Variants in AATF observed in about 807,000 individuals in gnomAD.
The protein encoded by AATF is apoptosis antagonizing transcription factor.
Under a neutral mutation model 63.7 loss-of-function variants are expected in AATF, and 48 were observed. The ratio of observed to expected loss-of-function variants is 0.75; its 90% CI spans 0.60 to 0.96. AATF has a LOEUF of 0.96. Ranked by LOEUF, AATF falls within the 40% of genes least tolerant of loss-of-function variation. The probability of loss-of-function intolerance (pLI) is 0.00; values close to 1 mark genes in which losing one functional copy is unlikely to be tolerated. For missense variants in AATF, 639 were observed against 685.7 expected (o/e 0.93, Z 0.76); for synonymous variants, 258 against 247.7 (o/e 1.04, Z -0.39).
rs1282125229 is a variant in AATF, at chr17:36,964,621, C to G, written c.832+10714C>G. Among the ~76,000 whole-genome samples the G allele has an allele frequency of 2.6e-5, 4 of 152,244 alleles. No individual in the cohort carries two copies. In the South Asian group the frequency reaches 8.3e-4, roughly 32 times the overall value. On this transcript the variant is annotated intron_variant, in intron 4 of 11. Coordinates refer to ENST00000619387, the MANE Select transcript of AATF (RefSeq NM_012138.4). Reference sequence around the variant, plus strand: ...AATTGTGTTTTCTTCCCTGTTTTTTCAGTCATGGCTCCTAGGCCACTCAAA... The same window carrying G: ...AATTGTGTTTTCTTCCCTGTTTTTTGAGTCATGGCTCCTAGGCCACTCAAA...
rs2070877100 is a variant in AATF at position 36,953,833 on chromosome 17, A to G, written c.758A>G (p.Gln253Arg). 1 of 1,614,074 alleles carries G rather than the reference A, an allele frequency of 6.2e-7. No individual in the cohort carries two copies. Among genetic ancestry groups the G allele is most frequent in the Admixed American group, 1.7e-5 (1 of 59,996 alleles). ...KLQKALLTTN[Q>R]LPQPDVFPLF... ...CAAAAAGCTCTGTTGACCACCAACC[A>G]GCTTCCTCAACCAGATGTTTTCCCA... Residue 253 changes from glutamine to arginine, a missense_variant, in exon 4 of 12, where the codon CAG becomes CGG. Transcript: ENST00000619387.
rs865988806 is a variant in AATF, at chr17:37,051,693, G to C, written c.1620-4908G>C. On this transcript the variant is annotated intron_variant, in intron 11 of 11. Coordinates refer to ENST00000619387, the MANE Select transcript of AATF (RefSeq NM_012138.4). ...GAATCCTAAGACAGACAGACAGACA[G>C]ACAGACACACACACACACACACACA... 6.4e-3 allele frequency among the ~76,000 whole-genome samples: 896 copies of C among 141,014 alleles called. 9 individuals are homozygous for C. Among genetic ancestry groups the C allele is most frequent in the African/African-American group, 0.022 (802 of 36,492 alleles). 92.5% of individuals were successfully genotyped at this position (141,014 alleles called of 152,430 possible). A position where few individuals can be genotyped will look rare whatever the true frequency, so the allele number is the denominator to read the frequency against.
chr17:37,032,246 T>C (rs1389837126), intron 11 of AATF, among the ~76,000 whole-genome samples: 1 of 152,244 alleles, frequency 6.6e-6, no homozygotes, highest in African/African-American at 2.4e-5. Context: ...AGCTTCCTCT[T>C]CTCCCTCATT....
At chr17:36,950,520 A>G in intron 2 of AATF, 115 bp downstream of exon 2, 35 of 1,120,588 alleles carry the variant, frequency 3.1e-5, no homozygotes, top group Non-Finnish European at 4.1e-5. Context: ...TTTTTTTGAG[A>G]CAGAGTTTGG....
chr17:36,949,163 A>G lies in AATF; in HGVS notation c.38A>G (p.Gln13Arg), dbSNP rs2070831723. 3 of 1,592,002 alleles carry G rather than the reference A, an allele frequency of 1.9e-6. No homozygotes were observed. Among genetic ancestry groups the G allele is most frequent in the Non-Finnish European group, 2.6e-6 (3 of 1,171,042 alleles). The change falls in exon 1 of 12, where the codon CAG (glutamine) becomes CGG (arginine). Residue 13 changes from glutamine to arginine, a missense_variant. Transcript: ENST00000619387. ...GPQPLALQLE[Q>R]LLNPRPSEAD... Reference sequence around the variant, plus strand: ...CAGCCCCTGGCGCTGCAACTGGAACAGTTGTTGAACCCGCGACCAAGCGAG... The same window carrying G: ...CAGCCCCTGGCGCTGCAACTGGAACGGTTGTTGAACCCGCGACCAAGCGAG...
At chr17:37,016,278 A>G (rs1411437947) in intron 8 of AATF, among the ~76,000 whole-genome samples, 1 of 152,228 alleles carries the variant, frequency 6.6e-6, no homozygotes, top group Non-Finnish European at 1.5e-5. Flanking sequence ...AATGTGTTCA[A>G]TCTGCCATTT....
chr17:37,037,802 G>A (rs2071605205), intron 11 of AATF, among the ~76,000 whole-genome samples: 1 of 152,178 alleles, frequency 6.6e-6, no homozygotes, highest in African/African-American at 2.4e-5. Flanking sequence ...ATTGGATCAT[G>A]GGGGTGGATT....
chr17:36,963,131 A>G (rs1242746223), intron 4 of AATF, among the ~76,000 whole-genome samples: 1 of 152,104 alleles, frequency 6.6e-6, no homozygotes, highest in African/African-American at 2.4e-5. Context: ...AAACAAAACA[A>G]AACAAAAACC....
At chr17:37,036,399 G>T (rs1457453305) in intron 11 of AATF, among the ~76,000 whole-genome samples, 2 of 152,132 alleles carry the variant, frequency 1.3e-5, no homozygotes, top group Admixed American at 1.3e-4. Context: ...CTCATTAAGG[G>T]AGAGAGAGAG....
intron 4 of AATF, among the ~76,000 whole-genome samples, chr17:36,966,717 T>C (rs2070994546): frequency 6.6e-6 from 1 of 152,230 alleles, no homozygotes; most frequent in African/African-American, 2.4e-5. Flanking sequence ...CTGGAATTGT[T>C]CCTGTCTCAA....
intron 11 of AATF, among the ~76,000 whole-genome samples, chr17:37,035,661 C>G (rs992555438): frequency 1.3e-4 from 16 of 122,956 alleles, no homozygotes; most frequent in African/African-American, 6.5e-4. Context: ...CCTCAGCCTC[C>G]CATTGGTCAG....
chr17:37,054,014 C>T (rs1040560442), intron 11 of AATF, among the ~76,000 whole-genome samples: 3 of 152,090 alleles, frequency 2.0e-5, no homozygotes, highest in African/African-American at 4.8e-5. Context: ...CTGTGAAAAA[C>T]GTTATAAAAA....
intron 11 of AATF, among the ~76,000 whole-genome samples, chr17:37,032,826 AAT>A (rs1407201973): frequency 6.6e-6 from 1 of 152,158 alleles, no homozygotes; most frequent in Non-Finnish European, 1.5e-5. Context: ...ATATTGTTAT[AAT>A]ATTTATTTAG....
chr17:37,014,467 A>G (rs1292534186), intron 8 of AATF, among the ~76,000 whole-genome samples: 1 of 152,148 alleles, frequency 6.6e-6, no homozygotes, highest in Non-Finnish European at 1.5e-5. Context: ...AAACTGGGAC[A>G]GGTAAAGTGC....
Position 36,959,652 on chromosome 17 carries a change from T to A in AATF, c.832+5745T>A, listed in dbSNP as rs574942408. Among the ~76,000 whole-genome samples, 3 of 152,364 alleles carry A rather than the reference T, an allele frequency of 2.0e-5. No homozygotes were observed. In the South Asian group the frequency reaches 6.2e-4, roughly 32 times the overall value. On this transcript the variant is annotated intron_variant, in intron 4 of 11. Transcript: ENST00000619387. The stretch of plus-strand genomic sequence containing the variant: ...AAGGAAAGCTAAACTTCAGTCATAA[T>A]AAGTTGACCTTTTAGTGCAATGCAT...
At chr17:37,055,223 G>C (rs1463125822) in intron 11 of AATF, 3 of 152,240 alleles carry the variant, frequency 2.0e-5, no homozygotes, top group Non-Finnish European at 4.4e-5. Flanking sequence ...TTGGAGGCCT[G>C]TTGTTTTCTG....
chr17:37,031,097 A>G (rs1040644518), intron 10 of AATF, among the ~76,000 whole-genome samples: 1 of 152,200 alleles, frequency 6.6e-6, no homozygotes, highest in African/African-American at 2.4e-5. Flanking sequence ...AAAGGGAAAA[A>G]TGTACAGTCA....
chr17:37,053,425 G>A (rs563961387), intron 11 of AATF, among the ~76,000 whole-genome samples: 1 of 152,062 alleles, frequency 6.6e-6, no homozygotes, highest in African/African-American at 2.4e-5. Flanking sequence ...AATTTCAAAA[G>A]TGCTTTTATT....
chr17:36,960,504 A>G (rs1267830813), intron 4 of AATF, among the ~76,000 whole-genome samples: 1 of 152,218 alleles, frequency 6.6e-6, no homozygotes. Context: ...CTATATATAC[A>G]GTGATAATCC....
Sources: allele counts gnomAD v4.1 joint callset (sites outside exome capture counted in the v4.1 genomes callset), GRCh38; gene constraint gnomAD v4.1.1; transcripts MANE v1.5; gene names NCBI Gene and HGNC (gene_info 2026-07-23, HGNC 2026-07-21).